The following KCNQ1OT1 variants were observed in gnomAD, a reference collection of about 807,000 sequenced individuals.
KCNQ1OT1 encodes the protein KCNQ1 antisense RNA 2 (non-protein coding).
At chr11:2,667,768 G>A (rs901737537) in exon 1 of KCNQ1OT1, 6 of 398,604 alleles carry the variant, frequency 1.5e-5, no homozygotes, top group African/African-American at 1.2e-4. Flanking sequence ...CGGCCCTGAA[G>A]GCCAGGGCTA....
exon 1 of KCNQ1OT1, chr11:2,615,093 G>A: frequency 2.5e-6 from 1 of 398,202 alleles, no homozygotes; most frequent in Non-Finnish European, 4.4e-6. Flanking sequence ...GTAGTCTTTA[G>A]TGCAGAAGTC....
At chr11:2,640,247 T>A in exon 1 of KCNQ1OT1, 1 of 396,962 alleles carries the variant, frequency 2.5e-6, no homozygotes, top group Admixed American at 4.4e-5. Flanking sequence ...CCCAGTGAGA[T>A]GAACCCACTA....
In KCNQ1OT1 at chr11:2,621,016, C is replaced by A. The variant is rs983968288; in HGVS notation, n.78979G>T. 7.6e-6 allele frequency: 3 copies of A among 395,274 alleles called. No individual in the cohort carries two copies. Among genetic ancestry groups the A allele is most frequent in the African/African-American group, 4.2e-5 (2 of 48,164 alleles). 24.5% of individuals were successfully genotyped at this position (395,274 alleles called of 1,614,324 possible). A position where few individuals can be genotyped will look rare whatever the true frequency, so the allele number is the denominator to read the frequency against. The stretch of plus-strand genomic sequence containing the variant: ...TTTTTGAGAAAGAGTCTTGCTCTGT[C>A]TCCCAGGCTGGAGTGCAGTGGCGCA... On this transcript the variant is annotated non_coding_transcript_exon_variant, in exon 1 of 1. Transcript: ENST00000597346. This position sits in a 1 kb window ranked among gnomAD's most constrained non-coding sequence, Gnocchi z 5.7.
chr11:2,640,370 T>G, exon 1 of KCNQ1OT1: 1 of 398,622 alleles, frequency 2.5e-6, no homozygotes, highest in Non-Finnish European at 4.4e-6. Context: ...ACTGCAATCT[T>G]TAACTCCCAG....
rs117258871 is a variant in KCNQ1OT1, at chr11:2,647,026, A to G, written n.52969T>C. 0.013 allele frequency: 5,087 copies of G among 398,612 alleles called. 154 individuals are homozygous for G. Among genetic ancestry groups the G allele is most frequent in the East Asian group, 0.079 (2,215 of 28,068 alleles). The allele number at this position is 398,612 out of a possible 1,614,324, so 24.7% of individuals were successfully genotyped here. A position where few individuals can be genotyped will look rare whatever the true frequency, so the allele number is the denominator to read the frequency against. On this transcript the variant is annotated non_coding_transcript_exon_variant, in exon 1 of 1. Transcript: ENST00000597346. This position sits in a 1 kb window ranked among gnomAD's most constrained non-coding sequence, Gnocchi z 4.0. ...GGTGAGGACTTTTCTTACTCTGCTG[A>G]ATAAGAATAGTGAAAGTGGGCATCC...
exon 1 of KCNQ1OT1, chr11:2,618,212 C>T (rs530231249): frequency 2.0e-5 from 8 of 398,302 alleles, no homozygotes; most frequent in African/African-American, 4.1e-5. Context: ...TGTAAGGCAG[C>T]GATATCAAAT....
In KCNQ1OT1 at chr11:2,626,531, G is replaced by A. The variant is rs1051843843; in HGVS notation, n.73464C>T. On this transcript the variant is annotated non_coding_transcript_exon_variant, in exon 1 of 1. Coordinates refer to ENST00000597346, the Ensembl canonical transcript of KCNQ1OT1. This position sits in a 1 kb window ranked among gnomAD's most constrained non-coding sequence, Gnocchi z 4.0. ...ATTACTGTAGCTTCGTAATAAGTTG[G>A]GGTTTTTGTTTGTTTTTCAGACATT... 1 of 398,464 alleles carries A rather than the reference G, an allele frequency of 2.5e-6. No individual in the cohort carries two copies. 24.7% of individuals were successfully genotyped at this position (398,464 alleles called of 1,614,324 possible).
Position 2,627,507 on chromosome 11 carries a change from G to A in KCNQ1OT1, n.72488C>T. 2.5e-6 allele frequency: 1 copy of A among 398,458 alleles called. No homozygotes were observed. The highest frequency in any genetic ancestry group is 4.4e-6 in the Non-Finnish European group (1 of 226,036). The allele number at this position is 398,458 out of a possible 1,614,324, so 24.7% of individuals were successfully genotyped here. A position where few individuals can be genotyped will look rare whatever the true frequency, so the allele number is the denominator to read the frequency against. On this transcript the variant is annotated non_coding_transcript_exon_variant, in exon 1 of 1. Coordinates refer to ENST00000597346, the Ensembl canonical transcript of KCNQ1OT1. This position sits in a 1 kb window ranked among gnomAD's most constrained non-coding sequence, Gnocchi z 4.9. ...ACCCTTCTACTCTCCGTTTCTCTGA[G>A]TTCAAGCTTTTTAGAATTCCATATG...
chr11:2,629,817 T>G (rs1021934871), exon 1 of KCNQ1OT1: 1 of 393,778 alleles, frequency 2.5e-6, no homozygotes, highest in Non-Finnish European at 4.5e-6. Flanking sequence ...TTCTAACAGG[T>G]TTTTTTTGTG....
At position 2,691,631 on chromosome 11, in the gene KCNQ1OT1, G is replaced by A. The variant is rs181409796; in HGVS notation, n.8364C>T. 22 of 398,560 alleles carry A rather than the reference G, an allele frequency of 5.5e-5. No homozygotes were observed. In the East Asian group the frequency reaches 7.8e-4, roughly 14 times the overall value. The allele number at this position is 398,560 out of a possible 1,614,324, so 24.7% of individuals were successfully genotyped here. A position where few individuals can be genotyped will look rare whatever the true frequency, so the allele number is the denominator to read the frequency against. ...TTGTTCCCTGCACGTACTGTGGGGA[G>A]GTCCTCTTTACCGCCACAGTTCCAA... On this transcript the variant is annotated non_coding_transcript_exon_variant, in exon 1 of 1. Transcript: ENST00000597346. This position sits in a 1 kb window ranked among gnomAD's most constrained non-coding sequence, Gnocchi z 6.4.
exon 1 of KCNQ1OT1, chr11:2,684,109 A>G: frequency 2.5e-6 from 1 of 398,640 alleles, no homozygotes; most frequent in Non-Finnish European, 4.4e-6. Flanking sequence ...ACCCTTTCAC[A>G]TAGATTCTTA....
In KCNQ1OT1 at chr11:2,611,710, A is replaced by G. The variant is rs772493835; in HGVS notation, n.88285T>C. The G allele has an allele frequency of 2.0e-5, 8 of 398,424 alleles. No homozygotes were observed. Among genetic ancestry groups the G allele is most frequent in the Non-Finnish European group, 3.5e-5 (8 of 226,040 alleles). 24.7% of individuals were successfully genotyped at this position (398,424 alleles called of 1,614,324 possible). A position where few individuals can be genotyped will look rare whatever the true frequency, so the allele number is the denominator to read the frequency against. On this transcript the variant is annotated non_coding_transcript_exon_variant, in exon 1 of 1. Transcript: ENST00000597346. The surrounding 1 kb of genome is among the most constrained non-coding windows in gnomAD (Gnocchi z 5.3). ...AGTTTTTAATTCACTTATATGTAAT[A>G]TAATTATTGATATGGAAGGATTTAT...
Position 2,661,172 on chromosome 11 carries a change from C to T in KCNQ1OT1, n.38823G>A. The T allele has an allele frequency of 2.5e-6, 1 of 398,540 alleles. No homozygotes were observed. Among genetic ancestry groups the T allele is most frequent in the Non-Finnish European group, 4.4e-6 (1 of 226,086 alleles). 24.7% of individuals were successfully genotyped at this position (398,540 alleles called of 1,614,324 possible). On this transcript the variant is annotated non_coding_transcript_exon_variant, in exon 1 of 1. Coordinates refer to ENST00000597346, the Ensembl canonical transcript of KCNQ1OT1. This position sits in a 1 kb window ranked among gnomAD's most constrained non-coding sequence, Gnocchi z 5.9. ...TCTAGTTGGCAGTTAACACTGATGA[C>T]CTTGGGGGAGGAAAGCCATTGTGAA... is the stretch of plus-strand genomic sequence containing the variant.
exon 1 of KCNQ1OT1, chr11:2,693,227 G>A (rs1313374826): frequency 5.0e-6 from 2 of 398,620 alleles, no homozygotes; most frequent in African/African-American, 4.1e-5. Context: ...AGGACCACAA[G>A]TCATAGCCCA....
chr11:2,614,404 CTT>C (rs1458749250), exon 1 of KCNQ1OT1: 16 of 398,374 alleles, frequency 4.0e-5, no homozygotes, highest in Non-Finnish European at 6.6e-5. Context: ...TTCAGTGTCA[CTT>C]AGTACATTTA....
chr11:2,610,323 T>C (rs1166401832), exon 1 of KCNQ1OT1: 1 of 398,156 alleles, frequency 2.5e-6, no homozygotes, highest in Non-Finnish European at 4.4e-6. Flanking sequence ...ATATATTACA[T>C]CTTTATTATG....
chr11:2,661,473 C>T lies in KCNQ1OT1; in HGVS notation n.38522G>A, dbSNP rs1267610333. The T allele has an allele frequency of 2.3e-6, 1 of 435,698 alleles. No individual in the cohort carries two copies. The highest frequency in any genetic ancestry group is 4.0e-6 in the Non-Finnish European group (1 of 247,756). The allele number at this position is 435,698 out of a possible 1,614,324, so 27.0% of individuals were successfully genotyped here. A position where few individuals can be genotyped will look rare whatever the true frequency, so the allele number is the denominator to read the frequency against. The stretch of plus-strand genomic sequence containing the variant: ...TTTGAGGAAGGAGTTCTGTGGCTGC[C>T]CCCACCTCCCAGGCTTGCCATTCCT... On this transcript the variant is annotated non_coding_transcript_exon_variant, in exon 1 of 1. Transcript: ENST00000597346. The surrounding 1 kb of genome is among the most constrained non-coding windows in gnomAD (Gnocchi z 5.9).
At chr11:2,685,017 C>T (rs1207692161) in exon 1 of KCNQ1OT1, 4 of 398,544 alleles carry the variant, frequency 1.0e-5, no homozygotes. Flanking sequence ...TTCTTGCCAT[C>T]CCTGTCTCAT....
exon 1 of KCNQ1OT1, chr11:2,684,689 T>C (rs1034308296): frequency 2.5e-6 from 1 of 398,624 alleles, no homozygotes; most frequent in East Asian, 3.6e-5. Flanking sequence ...AGTGGCCAAC[T>C]GAGCACTTGC....
Sources: gnomAD v4.1 joint callset for allele counts on GRCh38, gnomAD v4.1.1 for gene constraint, Gnocchi (gnomAD v3.1) non-coding constraint, MANE v1.5 for transcripts, NCBI Gene and HGNC (gene_info 2026-07-23, HGNC 2026-07-21) for gene names.